Variants in GRID2 observed in about 807,000 individuals in gnomAD.
The protein encoded by GRID2 is glutamate ionotropic receptor delta type subunit 2.
GRID2 carries 33 observed loss-of-function variants against 114.8 expected under a neutral mutation model. The ratio of observed to expected loss-of-function variants is 0.29; its 90% CI spans 0.22 to 0.38. The LOEUF is 0.38. Among genes scored for constraint, GRID2 ranks in the 10% least tolerant of loss-of-function variants. The pLI is 1.00. For missense variants in GRID2, 1,184 were observed against 1,257.7 expected, an observed-to-expected ratio of 0.94 and a Z score of 0.89; for synonymous variants, 505 against 449.9, an observed-to-expected ratio of 1.12 and a Z score of -1.55.
At chr4:92,979,602 A>T (rs1016174953) in intron 2 of GRID2, among the ~76,000 whole-genome samples, 1 of 152,148 alleles carries the variant, frequency 6.6e-6, no homozygotes, top group African/African-American at 2.4e-5. Flanking sequence ...CCTTCGAACA[A>T]TGACATATCC....
rs771313188 is a variant in GRID2 at position 93,224,574 on chromosome 4, T to C, written c.964-40T>C. ...TTTTTTCCTTATTCCTGATGACTGG[T>C]GTCAATGATTCTAATGATCACTTTC... On this transcript the variant is annotated intron_variant, in intron 6 of 15. Transcript: ENST00000282020. 19 of 1,301,324 alleles carry C rather than the reference T, an allele frequency of 1.5e-5. No homozygotes were observed. The South Asian group carries it at 2.1e-4, about 15-fold the overall frequency. The allele number at this position is 1,301,324 out of a possible 1,614,324, so 80.6% of individuals were successfully genotyped here.
At chr4:92,942,455 G>A (rs1478167815) in intron 2 of GRID2, among the ~76,000 whole-genome samples, 10 of 152,174 alleles carry the variant, frequency 6.6e-5, no homozygotes, top group South Asian at 2.1e-4. Flanking sequence ...TTTTGAGCCT[G>A]TGTGTGTCTC....
At chr4:92,739,015 A>G (rs750775892) in intron 2 of GRID2, among the ~76,000 whole-genome samples, 1 of 152,152 alleles carries the variant, frequency 6.6e-6, no homozygotes, top group African/African-American at 2.4e-5. Flanking sequence ...ACAGAAGATG[A>G]TATTTTGAAG....
chr4:92,877,735 G>A (rs1001517493), intron 2 of GRID2, among the ~76,000 whole-genome samples: 3 of 152,104 alleles, frequency 2.0e-5, no homozygotes, highest in African/African-American at 7.2e-5. Context: ...CTGCAAAGTG[G>A]TTTGTAAGTC....
chr4:93,446,982 T>G (rs1722153707), intron 10 of GRID2, among the ~76,000 whole-genome samples: 1 of 151,714 alleles, frequency 6.6e-6, no homozygotes, highest in Non-Finnish European at 1.5e-5. Flanking sequence ...ACTCCAAAAT[T>G]TATATACAAC....
intron 8 of GRID2, among the ~76,000 whole-genome samples, chr4:93,381,237 C>G (rs527763078): frequency 3.3e-5 from 5 of 152,032 alleles, no homozygotes; most frequent in Non-Finnish European, 7.4e-5. Context: ...CCCCATTTCC[C>G]TCTCTGTCCA....
intron 14 of GRID2, among the ~76,000 whole-genome samples, chr4:93,745,162 T>G (rs1363190927): frequency 6.6e-6 from 1 of 152,180 alleles, no homozygotes; most frequent in East Asian, 1.9e-4. Flanking sequence ...GCTGTAATTG[T>G]TATTGCTGTC....
At chr4:92,727,972 A>G (rs996263203) in intron 2 of GRID2, among the ~76,000 whole-genome samples, 17 of 152,092 alleles carry the variant, frequency 1.1e-4, no homozygotes, top group Non-Finnish European at 5.9e-5. Context: ...TGAGCAAAGC[A>G]TGCAGAAGTA....
Position 93,216,272 on chromosome 4 carries a change from A to ATG in GRID2, c.790-454_790-453dup, listed in dbSNP as rs559058759. On this transcript the variant is annotated intron_variant, in intron 5 of 15. Transcript: ENST00000282020. The stretch of plus-strand genomic sequence containing the variant: ...CATTGCTAATTATGTGTGTGTGTGC[A>ATG]TGTGTGTGTGTGTATGTGTGCGTAT... 5.0e-3 allele frequency among the ~76,000 whole-genome samples: 754 copies of ATG among 151,198 alleles called. 7 individuals are homozygous for ATG. The highest frequency in any genetic ancestry group is 0.018 in the African/African-American group (724 of 41,314).
intron 13 of GRID2, among the ~76,000 whole-genome samples, chr4:93,584,095 A>G (rs1737284525): frequency 6.6e-6 from 1 of 152,182 alleles, no homozygotes. Flanking sequence ...CAGTTTCATA[A>G]AGACACAACT....
intron 14 of GRID2, among the ~76,000 whole-genome samples, chr4:93,659,309 A>C (rs758389415): frequency 2.0e-5 from 3 of 152,196 alleles, no homozygotes; most frequent in African/African-American, 4.8e-5. Context: ...TTATGGGTGC[A>C]TATGGACCAG....
intron 2 of GRID2, among the ~76,000 whole-genome samples, chr4:92,948,166 T>C (rs1420317155): frequency 6.6e-6 from 1 of 151,946 alleles, no homozygotes; most frequent in Non-Finnish European, 1.5e-5. Context: ...AGTATGCTTG[T>C]TACATAAATA....
At chr4:92,883,074 T>C (rs1014258359) in intron 2 of GRID2, among the ~76,000 whole-genome samples, 2 of 152,238 alleles carry the variant, frequency 1.3e-5, no homozygotes, top group African/African-American at 4.8e-5. Flanking sequence ...TTAACCACAG[T>C]TGAACTTCCG....
At chr4:93,681,943 A>G (rs1456859645) in intron 14 of GRID2, among the ~76,000 whole-genome samples, 1 of 151,190 alleles carries the variant, frequency 6.6e-6, no homozygotes, top group African/African-American at 2.4e-5. Context: ...ATCTCATTAA[A>G]CTAAAGAGCT....
rs1285229769 is a variant in GRID2, at chr4:93,535,052, T to G, written c.2193+19641T>G. On this transcript the variant is annotated intron_variant, in intron 13 of 15. Transcript: ENST00000282020. Reference sequence around the variant, plus strand: ...CCACCCCAGGCTCTGGTAACGACCATTCTACTCTCTGCTTCTATGAGTTTA... The same window carrying G: ...CCACCCCAGGCTCTGGTAACGACCAGTCTACTCTCTGCTTCTATGAGTTTA... Among the ~76,000 whole-genome samples, 4 of 152,108 alleles carry G rather than the reference T, an allele frequency of 2.6e-5. No individual in the cohort carries two copies. The East Asian group carries it at 7.7e-4, about 29-fold the overall frequency.
chr4:92,444,458 G>A (rs1183087731), intron 1 of GRID2, among the ~76,000 whole-genome samples: 2 of 152,166 alleles, frequency 1.3e-5, no homozygotes, highest in Non-Finnish European at 2.9e-5. Flanking sequence ...CCAGGAAAAG[G>A]ACTTTCACAA....
chr4:93,320,953 A>G (rs1161039194), intron 8 of GRID2, among the ~76,000 whole-genome samples: 2 of 151,998 alleles, frequency 1.3e-5, no homozygotes, highest in Admixed American at 6.6e-5. Context: ...TGTTCTCTTG[A>G]TATCCACATG....
At chr4:92,471,444 A>G (rs553391598) in intron 1 of GRID2, among the ~76,000 whole-genome samples, 87 of 152,104 alleles carry the variant, frequency 5.7e-4, no homozygotes, top group African/African-American at 1.9e-3. Flanking sequence ...CAAAACTAGA[A>G]CCCAAATCTC....
chr4:93,764,458 C>A (rs1733466519), intron 14 of GRID2, among the ~76,000 whole-genome samples: 1 of 152,076 alleles, frequency 6.6e-6, no homozygotes. Flanking sequence ...AAAGAAAGAA[C>A]AATAGTGATA....
Sources: gnomAD v4.1 joint callset for allele counts (sites outside exome capture counted in the v4.1 genomes callset) on GRCh38, gnomAD v4.1.1 for gene constraint, MANE v1.5 for transcripts, NCBI Gene and HGNC (gene_info 2026-07-23, HGNC 2026-07-21) for gene names.